Variants in BAIAP2L1 observed in about 807,000 individuals in gnomAD.
BAIAP2L1 encodes BAR/IMD domain-containing adapter protein 2-like 1.
BAIAP2L1 carries 35 observed loss-of-function variants against 66.3 expected under a neutral mutation model. The observed-to-expected ratio is 0.53, with a 90% confidence interval of 0.40 to 0.70. The LOEUF (loss-of-function observed/expected upper bound fraction) is 0.70, where lower values mean the gene tolerates loss of function less well. Among genes scored for constraint, BAIAP2L1 ranks in the 30% least tolerant of loss-of-function variants. The pLI is 0.00. For missense variants in BAIAP2L1, 622 were observed against 656.9 expected (o/e 0.95, Z 0.58); for synonymous variants, 269 against 248.7 (o/e 1.08, Z -0.77).
In BAIAP2L1 at chr7:98,320,293, C is replaced by T. The variant is rs1051908361; in HGVS notation, c.220G>A (p.Val74Ile). Residue 74 changes from valine to isoleucine, a missense_variant, in exon 4 of 14, where the codon GTC (valine) becomes ATC (isoleucine). Coordinates refer to ENST00000005260, the MANE Select transcript of BAIAP2L1 (RefSeq NM_018842.5). Reference sequence around the variant, plus strand: ...TGGGTACTTGAAATCTCTATGAGGACATGTCCTGGGAACAAAACCAGATAT... The same window carrying T: ...TGGGTACTTGAAATCTCTATGAGGATATGTCCTGGGAACAAAACCAGATAT... ...GSPVSTELGH[V>I]LIEISSTHKK... is the part of the protein sequence containing the mutation. 3 of 1,600,888 alleles carry T rather than the reference C, an allele frequency of 1.9e-6. No individual in the cohort carries two copies. Among genetic ancestry groups the T allele is most frequent in the African/African-American group, 2.7e-5 (2 of 74,248 alleles).
rs1249606821 is a variant in BAIAP2L1 at position 98,384,653 on chromosome 7, A to T, written c.51+16149T>A. On this transcript the variant is annotated intron_variant, in intron 1 of 13. Transcript: ENST00000005260. ...AGTAGTATCTGGAATCATTCTAGCTAACTTCCTTCAACCAGACTCTGTGAG... is the reference window on the plus strand; with the variant it reads ...AGTAGTATCTGGAATCATTCTAGCTTACTTCCTTCAACCAGACTCTGTGAG... Among the ~76,000 whole-genome samples the T allele has an allele frequency of 2.0e-5, 3 of 151,130 alleles. No homozygotes were observed. In the East Asian group the frequency reaches 5.8e-4, roughly 29 times the overall value.
At chr7:98,372,278 C>T (rs1156347368) in intron 1 of BAIAP2L1, among the ~76,000 whole-genome samples, 8 of 152,066 alleles carry the variant, frequency 5.3e-5, no homozygotes, top group South Asian at 2.1e-4. Context: ...TGGGGACGGG[C>T]GCCTGTAGTC....
intron 1 of BAIAP2L1, among the ~76,000 whole-genome samples, chr7:98,391,672 G>A (rs574744492): frequency 1.8e-3 from 261 of 145,464 alleles, no homozygotes; most frequent in Admixed American, 3.6e-3. Context: ...TCGTGCCACT[G>A]CACTCCAGCC....
chr7:98,349,552 C>T (rs920683231), intron 3 of BAIAP2L1, among the ~76,000 whole-genome samples: 9 of 152,106 alleles, frequency 5.9e-5, no homozygotes, highest in African/African-American at 2.2e-4. Context: ...CAGACACTAA[C>T]GATAACCTCT....
intron 1 of BAIAP2L1, chr7:98,386,639 G>C: frequency 1.4e-6 from 2 of 1,395,260 alleles, no homozygotes; most frequent in Non-Finnish European, 9.6e-7. Context: ...TGTTCTTTCC[G>C]AGAACTTTTT....
chr7:98,355,372 T>G lies in BAIAP2L1; in HGVS notation c.128-244A>C, dbSNP rs111616455. On this transcript the variant is annotated intron_variant, in intron 2 of 13. Transcript: ENST00000005260. ...GCCCCGGGGAACCTTCAGCAGCAGG[T>G]GCTGAAAGTCCAGAGAAGGCTCAGC... 975 of 519,090 alleles carry G rather than the reference T, an allele frequency of 1.9e-3. 13 individuals carry two copies. The highest frequency in any genetic ancestry group is 0.017 in the African/African-American group (869 of 52,416). 32.2% of individuals were successfully genotyped at this position (519,090 alleles called of 1,614,324 possible).
intron 1 of BAIAP2L1, among the ~76,000 whole-genome samples, chr7:98,370,663 A>G (rs2115761031): frequency 6.6e-6 from 1 of 151,890 alleles, no homozygotes; most frequent in Admixed American, 6.6e-5. Flanking sequence ...CACCATGCCC[A>G]GCTAATTTTT....
chr7:98,401,031 G>C lies in BAIAP2L1; in HGVS notation c.-179C>G. 2 of 471,190 alleles carry C rather than the reference G, an allele frequency of 4.2e-6. No homozygotes were observed. Among genetic ancestry groups the C allele is most frequent in the Non-Finnish European group, 3.4e-6 (1 of 289,978 alleles). 29.2% of individuals were successfully genotyped at this position (471,190 alleles called of 1,614,324 possible). A position where few individuals can be genotyped will look rare whatever the true frequency, so the allele number is the denominator to read the frequency against. ...CCGCTGCGAAAATGTCAAAACTTGC[G>C]GCAGCGCCGCCCTGGCCTTCTTCGA... On this transcript the variant is annotated 5_prime_UTR_variant, in exon 1 of 14. Coordinates refer to ENST00000005260, the MANE Select transcript of BAIAP2L1 (RefSeq NM_018842.5).
rs951147575 is a variant in BAIAP2L1 at position 98,317,113 on chromosome 7, A to C, written c.486+106T>G. 5.6e-6 allele frequency: 8 copies of C among 1,436,576 alleles called. No homozygotes were observed. In the African/African-American group the frequency reaches 9.9e-5, roughly 18 times the overall value. The allele number at this position is 1,436,576 out of a possible 1,614,324, so 89.0% of individuals were successfully genotyped here. ...TATGATCCTACTGCCTCGGCCTCCC[A>C]AAGTGCTGGGATTACAGGCGTGAGC... On this transcript the variant is annotated intron_variant, in intron 6 of 13. Transcript: ENST00000005260.
chr7:98,323,987 A>T (rs1257052751), intron 3 of BAIAP2L1, among the ~76,000 whole-genome samples: 3 of 152,192 alleles, frequency 2.0e-5, no homozygotes, highest in African/African-American at 7.2e-5. Flanking sequence ...TTAGTTCGGT[A>T]ACCTACTTTT....
At chr7:98,320,949 T>C (rs796617787) in intron 3 of BAIAP2L1, among the ~76,000 whole-genome samples, 1 of 152,190 alleles carries the variant, frequency 6.6e-6, no homozygotes, top group Non-Finnish European at 1.5e-5. Context: ...CTCCACCTCC[T>C]GGGTTCAAGT....
intron 1 of BAIAP2L1, among the ~76,000 whole-genome samples, chr7:98,399,389 T>C (rs1803295265): frequency 6.6e-6 from 1 of 152,212 alleles, no homozygotes; most frequent in African/African-American, 2.4e-5. Context: ...CTTCTCTTAC[T>C]TTCATTCAAC....
intron 3 of BAIAP2L1, among the ~76,000 whole-genome samples, chr7:98,332,533 G>A (rs1020464836): frequency 4.6e-5 from 7 of 151,458 alleles, no homozygotes; most frequent in Non-Finnish European, 7.4e-5. Context: ...ATACAGGCCT[G>A]GCGCAGTGGC....
intron 12 of BAIAP2L1, among the ~76,000 whole-genome samples, chr7:98,298,896 C>G (rs1000987819): frequency 5.3e-5 from 8 of 152,110 alleles, no homozygotes; most frequent in African/African-American, 1.9e-4. Context: ...GGCTGCAGTG[C>G]AGTGGCACAA....
intron 1 of BAIAP2L1, among the ~76,000 whole-genome samples, chr7:98,377,264 C>T (rs1220453398): frequency 2.6e-5 from 4 of 152,144 alleles, no homozygotes; most frequent in Non-Finnish European, 5.9e-5. Flanking sequence ...CTGCTAATGA[C>T]GACGACGTGG....
rs918081190 is a variant in BAIAP2L1 at position 98,331,393 on chromosome 7, G to A, written c.215-11095C>T. 2.6e-5 allele frequency among the ~76,000 whole-genome samples: 4 copies of A among 151,500 alleles called. 1 individual carries two copies. In the South Asian group the frequency reaches 6.2e-4, roughly 24 times the overall value. On this transcript the variant is annotated intron_variant, in intron 3 of 13. Coordinates refer to ENST00000005260, the MANE Select transcript of BAIAP2L1 (RefSeq NM_018842.5). ...AGACCCAAAAAGCTCAGAGAACACAGGACAGGATAAATACTAGAAAATCTG... is the reference window on the plus strand; with the variant it reads ...AGACCCAAAAAGCTCAGAGAACACAAGACAGGATAAATACTAGAAAATCTG...
In BAIAP2L1 at chr7:98,308,303, C is replaced by A. The variant is rs562371996; in HGVS notation, c.956-407G>T. The A allele has an allele frequency of 1.3e-5, 6 of 462,168 alleles. No homozygotes were observed. The East Asian group carries it at 3.4e-4, about 26-fold the overall frequency. The allele number at this position is 462,168 out of a possible 1,614,324, so 28.6% of individuals were successfully genotyped here. A position where few individuals can be genotyped will look rare whatever the true frequency, so the allele number is the denominator to read the frequency against. On this transcript the variant is annotated intron_variant, in intron 9 of 13. Coordinates refer to ENST00000005260, the MANE Select transcript of BAIAP2L1 (RefSeq NM_018842.5). ...AGGGCCACAGTTCAAACCCAACTGCCAATGTCCACAAAGAAAAGAAGAAAG... is the reference window on the plus strand; with the variant it reads ...AGGGCCACAGTTCAAACCCAACTGCAAATGTCCACAAAGAAAAGAAGAAAG...
At chr7:98,315,690 A>G (rs1033181427) in intron 6 of BAIAP2L1, 78 bp from the exon 7 acceptor site, 2 of 650,320 alleles carry the variant, frequency 3.1e-6, no homozygotes, top group African/African-American at 3.7e-5. Context: ...CCTGACGTTT[A>G]TCTTCTGCCA....
rs1252247507 is a variant in BAIAP2L1 at position 98,400,885 on chromosome 7, G to A, written c.-33C>T. On this transcript the variant is annotated 5_prime_UTR_variant, in exon 1 of 14. Coordinates refer to ENST00000005260, the MANE Select transcript of BAIAP2L1 (RefSeq NM_018842.5). ...GCCGCCGGGCGAGCAAGCGCGGGAG[G>A]ACGCGGCTGGGCCTCGTGGCCGCCG... 6 of 1,532,212 alleles carry A rather than the reference G, an allele frequency of 3.9e-6. No individual in the cohort carries two copies. The South Asian group carries it at 6.0e-5, about 15-fold the overall frequency. 94.9% of individuals were successfully genotyped at this position (1,532,212 alleles called of 1,614,324 possible).
Sources: allele counts gnomAD v4.1 joint callset (sites outside exome capture counted in the v4.1 genomes callset), GRCh38; gene constraint gnomAD v4.1.1; transcripts MANE v1.5; gene names NCBI Gene and HGNC (gene_info 2026-07-23, HGNC 2026-07-21).